The following CFAP97D2 variants were observed in gnomAD, a reference collection of about 807,000 sequenced individuals.
CFAP97D2 encodes the protein uncharacterized protein CFAP97D2.
At chr13:114,219,024 A>G (rs2138791068) in intron 4 of CFAP97D2, among the ~76,000 whole-genome samples, 1 of 152,368 alleles carries the variant, frequency 6.6e-6, no homozygotes, top group East Asian at 1.9e-4. Context: ...AAAATTGACA[A>G]ATGGGATCTA....
chr13:114,200,473 G>T (rs780992721), intron 3 of CFAP97D2, 30 bp downstream of exon 3: 29 of 398,476 alleles, frequency 7.3e-5, no homozygotes, highest in African/African-American at 4.5e-4. Flanking sequence ...CATCCCACCC[G>T]GCTCAGCACC....
chr13:114,221,498 G>T (rs2138793675), intron 4 of CFAP97D2, among the ~76,000 whole-genome samples: 1 of 152,342 alleles, frequency 6.6e-6, no homozygotes, highest in Non-Finnish European at 1.5e-5. Flanking sequence ...ATAAGTGCAT[G>T]AGAAGATGTT....
chr13:114,222,528 A>G (rs963269191), downstream of CFAP97D2: 3 of 398,464 alleles, frequency 7.5e-6, no homozygotes, highest in East Asian at 7.1e-5. This position sits in a 1 kb window ranked among gnomAD's most constrained non-coding sequence, Gnocchi z 4.4. Flanking sequence ...GCAAGCGCAC[A>G]GCCAAGCCTG....
At chr13:114,219,569 A>G (rs1170358960) in intron 4 of CFAP97D2, among the ~76,000 whole-genome samples, 1 of 152,260 alleles carries the variant, frequency 6.6e-6, no homozygotes, top group Non-Finnish European at 1.5e-5. Context: ...CAGAAGCACT[A>G]GAAAGAGTTT....
chr13:114,216,753 G>A (rs61972056), intron 4 of CFAP97D2, among the ~76,000 whole-genome samples: 12,212 of 152,228 alleles, frequency 0.08, 671 homozygotes, highest in Middle Eastern at 0.14. Context: ...ATAAACATAC[G>A]TGTGCATGTG....
At chr13:114,210,471 C>T (rs1436774531) in intron 3 of CFAP97D2, among the ~76,000 whole-genome samples, 1 of 152,178 alleles carries the variant, frequency 6.6e-6, no homozygotes, top group Admixed American at 6.5e-5. Context: ...CTTTCTGCAG[C>T]TTTTAACATT....
At chr13:114,182,002 A>G (rs1041490409) in intron 1 of CFAP97D2, among the ~76,000 whole-genome samples, 7 of 152,112 alleles carry the variant, frequency 4.6e-5, no homozygotes, top group Admixed American at 2.6e-4. Flanking sequence ...GAGACAAAGT[A>G]TAGAGAAATA....
chr13:114,217,510 C>G (rs755840791), intron 4 of CFAP97D2, among the ~76,000 whole-genome samples: 1 of 152,188 alleles, frequency 6.6e-6, no homozygotes, highest in Non-Finnish European at 1.5e-5. Flanking sequence ...TGGGAATCCT[C>G]CCTAACTCAT....
In CFAP97D2 at chr13:114,222,302, A is replaced by AC. The variant is rs2081025433; in HGVS notation, c.481-194dup. Among the ~76,000 whole-genome samples the AC allele has an allele frequency of 6.6e-6, 1 of 152,230 alleles. No individual in the cohort carries two copies. The highest frequency in any genetic ancestry group is 1.5e-5 in the Non-Finnish European group (1 of 68,042). ...ACAATAGTTGCACAACTCTGAATAT[A>AC]CCAAAACACACTAAAATATACACTA... On this transcript the variant is annotated intron_variant, in intron 4 of 4. Coordinates refer to ENST00000646158, the Ensembl canonical transcript of CFAP97D2. The surrounding 1 kb of genome is among the most constrained non-coding windows in gnomAD (Gnocchi z 4.4).
intron 4 of CFAP97D2, among the ~76,000 whole-genome samples, chr13:114,213,099 ATTAAT>A (rs771792095): frequency 2.6e-5 from 4 of 152,192 alleles, no homozygotes; most frequent in Non-Finnish European, 4.4e-5. Context: ...AATAAATCAA[ATTAAT>A]TAAAGAGTTT....
At position 114,204,188 on chromosome 13, in the gene CFAP97D2, G is replaced by A. The variant is rs182901484; in HGVS notation, c.290+3745G>A. Among the ~76,000 whole-genome samples, 293 of 152,308 alleles carry A rather than the reference G, an allele frequency of 1.9e-3. 1 individual carries two copies. The highest frequency in any genetic ancestry group is 6.7e-3 in the African/African-American group (280 of 41,556). On this transcript the variant is annotated intron_variant, in intron 3 of 4. Coordinates refer to ENST00000646158, the Ensembl canonical transcript of CFAP97D2. ...AGAGGCTGACTATGAGGAGACCAAG[G>A]CTTGCTGGGGATTTTATAGGGTGGC...
intron 2 of CFAP97D2, among the ~76,000 whole-genome samples, chr13:114,198,980 T>C (rs1387587402): frequency 3.4e-4 from 12 of 35,104 alleles, no homozygotes; most frequent in African/African-American, 3.8e-4. Context: ...CGGTCCCCAC[T>C]GAGGCGTGAC....
At chr13:114,181,925 G>A (rs1285757609) in intron 1 of CFAP97D2, among the ~76,000 whole-genome samples, 1 of 152,078 alleles carries the variant, frequency 6.6e-6, no homozygotes, top group Non-Finnish European at 1.5e-5. Context: ...GGGGTGGCCT[G>A]CCCCTCCACA....
chr13:114,181,425 CG>C (rs924516118), intron 1 of CFAP97D2, among the ~76,000 whole-genome samples: 4 of 152,126 alleles, frequency 2.6e-5, no homozygotes, highest in African/African-American at 9.6e-5. Flanking sequence ...AGCCGTCCCA[CG>C]GGGGTAGGGC....
At chr13:114,181,568 G>A (rs2080832676) in intron 1 of CFAP97D2, among the ~76,000 whole-genome samples, 1 of 152,130 alleles carries the variant, frequency 6.6e-6, no homozygotes, top group South Asian at 2.1e-4. Context: ...ACATGAGCAG[G>A]ACCCCTCTAA....
intron 4 of CFAP97D2, chr13:114,212,308 C>A: frequency 2.6e-6 from 1 of 380,648 alleles, no homozygotes; most frequent in East Asian, 3.7e-5. Flanking sequence ...ACCCACCACG[C>A]ATTTGTTCAC....
At chr13:114,182,466 A>G (rs562251813) in intron 1 of CFAP97D2, among the ~76,000 whole-genome samples, 129 of 151,754 alleles carry the variant, frequency 8.5e-4, no homozygotes, top group African/African-American at 2.1e-3. Flanking sequence ...TCTTTTACTA[A>G]TCCACCTCAG....
chr13:114,210,206 C>T (rs991770539), intron 3 of CFAP97D2, among the ~76,000 whole-genome samples: 17 of 152,108 alleles, frequency 1.1e-4, no homozygotes, highest in African/African-American at 4.1e-4. Context: ...TGGCTTAAGA[C>T]TTTTTACATC....
chr13:114,188,726 G>A (rs2080859149), intron 1 of CFAP97D2, among the ~76,000 whole-genome samples: 1 of 146,124 alleles, frequency 6.8e-6, no homozygotes, highest in African/African-American at 2.5e-5. Context: ...GCAGTGAGCC[G>A]AGATTGCGCC....
Sources: gnomAD v4.1 joint callset for allele counts (sites outside exome capture counted in the v4.1 genomes callset) on GRCh38, gnomAD v4.1.1 for gene constraint, Gnocchi (gnomAD v3.1) non-coding constraint, MANE v1.5 for transcripts, NCBI Gene and HGNC (gene_info 2026-07-23, HGNC 2026-07-21) for gene names.